STAMBP: variants seen among roughly 807,000 people sequenced by gnomAD.
STAMBP encodes STAM binding protein, also known as STAM-binding protein.
STAMBP carries 31 observed loss-of-function variants against 50.7 expected under a neutral mutation model. The ratio of observed to expected loss-of-function variants is 0.61; its 90% CI spans 0.46 to 0.83. The LOEUF (loss-of-function observed/expected upper bound fraction) is 0.83, where lower values mean the gene tolerates loss of function less well. Ranked by LOEUF, STAMBP falls within the 40% of genes least tolerant of loss-of-function variation. The probability of loss-of-function intolerance (pLI) is 0.00; values close to 1 mark genes in which losing one functional copy is unlikely to be tolerated. For missense variants in STAMBP, 472 were observed against 518.9 expected (o/e 0.91, Z 0.88); for synonymous variants, 211 against 192.4 (o/e 1.10, Z -0.80).
intron 5 of STAMBP, among the ~76,000 whole-genome samples, chr2:73,848,523 A>C (rs190540658): frequency 6.6e-6 from 1 of 152,312 alleles, no homozygotes; most frequent in Admixed American, 6.5e-5. Context: ...GTCTTAGTCC[A>C]TTTTGTGCTG....
Position 73,860,079 on chromosome 2 carries a change from T to C in STAMBP, c.1146T>C (p.His382=), listed in dbSNP as rs752978769. The C allele has an allele frequency of 3.1e-6, 5 of 1,611,866 alleles. No individual in the cohort carries two copies. The highest frequency in any genetic ancestry group is 3.3e-5 in the Admixed American group (2 of 59,888). The change falls in exon 9 of 10, where the codon CAT becomes CAC. Residue 382 remains histidine, a synonymous_variant. Coordinates refer to ENST00000394070, the MANE Select transcript of STAMBP (RefSeq NM_213622.4). ...CTGGATTCTTTAAACTAACTGACCA[T>C]GGACTAGAGGAGATTTCTTCCTGTC... The part of the protein sequence containing the change: ...QETGFFKLTD[H]GLEEISSCRQ...
At chr2:73,860,469 G>T (rs1678204260) in intron 9 of STAMBP, 1 of 688,656 alleles carries the variant, frequency 1.5e-6, no homozygotes, top group East Asian at 8.8e-5. Context: ...TGTGCAGGAA[G>T]TACGTAATGC....
At chr2:73,852,112 G>A (rs1046794674) in intron 7 of STAMBP, among the ~76,000 whole-genome samples, 2 of 152,162 alleles carry the variant, frequency 1.3e-5, no homozygotes, top group Non-Finnish European at 2.9e-5. Context: ...TTTAAGGTAG[G>A]TTGTGGCAAG....
chr2:73,867,072 G>C lies in STAMBP; in HGVS notation c.*4813G>C, dbSNP rs1168103528. Reference sequence around the variant, plus strand: ...TATGTGTCTAAAGTATACTCCTTGAGAACAGCAACTTTGTCTTTTTCACCT... The same window carrying C: ...TATGTGTCTAAAGTATACTCCTTGACAACAGCAACTTTGTCTTTTTCACCT... On this transcript the variant is annotated 3_prime_UTR_variant, in exon 10 of 10. Transcript: ENST00000394070. 6.6e-6 allele frequency: 1 copy of C among 152,290 alleles called. No individual in the cohort carries two copies. Among genetic ancestry groups the C allele is most frequent in the East Asian group, 1.9e-4 (1 of 5,182 alleles). 9.4% of individuals were successfully genotyped at this position (152,290 alleles called of 1,614,324 possible). A position where few individuals can be genotyped will look rare whatever the true frequency, so the allele number is the denominator to read the frequency against.
At chr2:73,844,642 G>T in intron 2 of STAMBP, 171 bp from the exon 3 acceptor site, 1 of 478,540 alleles carries the variant, frequency 2.1e-6, no homozygotes, top group Non-Finnish European at 3.7e-6. Context: ...GGCTCTTTAG[G>T]GGGATAGAGA....
chr2:73,855,662 G>A (rs1387495165), intron 7 of STAMBP: 2 of 455,954 alleles, frequency 4.4e-6, no homozygotes, highest in African/African-American at 2.0e-5. Context: ...CATGCCCCAT[G>A]AAGACTTGTG....
chr2:73,835,187 C>G (rs1176269721), intron 2 of STAMBP, among the ~76,000 whole-genome samples: 3 of 152,068 alleles, frequency 2.0e-5, no homozygotes, highest in African/African-American at 7.2e-5. Context: ...TACCCCATCT[C>G]TACTAAAAAT....
chr2:73,843,102 T>G (rs1015457576), intron 2 of STAMBP, among the ~76,000 whole-genome samples: 1 of 152,102 alleles, frequency 6.6e-6, no homozygotes, highest in Non-Finnish European at 1.5e-5. Flanking sequence ...CTTATTTATC[T>G]TAATAGATTC....
intron 2 of STAMBP, among the ~76,000 whole-genome samples, chr2:73,831,579 C>G (rs1251039118): frequency 6.6e-6 from 1 of 152,088 alleles, no homozygotes; most frequent in Non-Finnish European, 1.5e-5. Context: ...AGTTATTTAT[C>G]ATCTTAGGGT....
At chr2:73,856,543 G>A (rs1677571104) in intron 7 of STAMBP, among the ~76,000 whole-genome samples, 1 of 152,186 alleles carries the variant, frequency 6.6e-6, no homozygotes. Flanking sequence ...ACTTCTTAGA[G>A]GAGATAGAAG....
At position 73,863,083 on chromosome 2, in the gene STAMBP, C is replaced by CT. The variant is rs1254464482; in HGVS notation, c.*825dup. The CT allele has an allele frequency of 6.6e-6, 1 of 152,180 alleles. No homozygotes were observed. The highest frequency in any genetic ancestry group is 2.4e-5 in the African/African-American group (1 of 41,438). The allele number at this position is 152,180 out of a possible 1,614,324, so 9.4% of individuals were successfully genotyped here. A position where few individuals can be genotyped will look rare whatever the true frequency, so the allele number is the denominator to read the frequency against. On this transcript the variant is annotated 3_prime_UTR_variant, in exon 10 of 10. Transcript: ENST00000394070. Reference sequence around the variant, plus strand: ...TCTTCCAGAGGTGTTGTGAAGTCATCTCTGTTCTTTTGGTGCTGTCTCAAA... The same window carrying CT: ...TCTTCCAGAGGTGTTGTGAAGTCATCTTCTGTTCTTTTGGTGCTGTCTCAAA...
chr2:73,846,180 ATTTC>A (rs1473944929), intron 4 of STAMBP, among the ~76,000 whole-genome samples: 2 of 151,032 alleles, frequency 1.3e-5, no homozygotes, highest in Non-Finnish European at 1.5e-5. Context: ...ATTACTTAGC[ATTTC>A]TTTCTTTCTT....
chr2:73,861,288 A>C (rs1486744450), intron 9 of STAMBP, among the ~76,000 whole-genome samples: 2 of 152,238 alleles, frequency 1.3e-5, no homozygotes, highest in Admixed American at 6.5e-5. Flanking sequence ...TAGGGATGAC[A>C]CTATTTGTTC....
chr2:73,862,094 G>A, intron 9 of STAMBP, 109 bp from the exon 10 acceptor site: 1 of 793,420 alleles, frequency 1.3e-6, no homozygotes, highest in Non-Finnish European at 1.9e-6. Flanking sequence ...CCGAGATCGT[G>A]CCACTGCACT....
At chr2:73,842,215 T>C (rs539600464) in intron 2 of STAMBP, among the ~76,000 whole-genome samples, 1 of 152,352 alleles carries the variant, frequency 6.6e-6, no homozygotes, top group East Asian at 1.9e-4. Context: ...GTTTTAATGT[T>C]GATGAGAAAA....
chr2:73,849,107 T>C (rs1329144341), intron 5 of STAMBP, among the ~76,000 whole-genome samples: 1 of 152,230 alleles, frequency 6.6e-6, no homozygotes, highest in African/African-American at 2.4e-5. Flanking sequence ...TAGTTTGCCC[T>C]TTTCTTAACT....
downstream of STAMBP, among the ~76,000 whole-genome samples, chr2:73,868,001 G>C (rs1679028570): frequency 2.6e-5 from 4 of 151,984 alleles, no homozygotes; most frequent in Admixed American, 2.0e-4. Flanking sequence ...GCACACGCCT[G>C]TAATCCCAGC....
rs897505845 is a variant in STAMBP, at chr2:73,862,416, A to G, written c.*157A>G. 24 of 519,062 alleles carry G rather than the reference A, an allele frequency of 4.6e-5. No individual in the cohort carries two copies. The highest frequency in any genetic ancestry group is 3.5e-4 in the African/African-American group (18 of 50,744). The allele number at this position is 519,062 out of a possible 1,614,324, so 32.2% of individuals were successfully genotyped here. Reference sequence around the variant, plus strand: ...CTGATTTTGTATTTCAGGTTTGAAAAGAAATAACTGAACATATTTTTTAGG... The same window carrying G: ...CTGATTTTGTATTTCAGGTTTGAAAGGAAATAACTGAACATATTTTTTAGG... On this transcript the variant is annotated 3_prime_UTR_variant, in exon 10 of 10. Transcript: ENST00000394070.
At chr2:73,830,086 T>C (rs1425808399) in intron 1 of STAMBP, among the ~76,000 whole-genome samples, 2 of 152,238 alleles carry the variant, frequency 1.3e-5, no homozygotes, top group African/African-American at 4.8e-5. Flanking sequence ...CTAGAAAGAC[T>C]AGAATTACTG....
Sources: allele counts gnomAD v4.1 joint callset (sites outside exome capture counted in the v4.1 genomes callset), GRCh38; gene constraint gnomAD v4.1.1; transcripts MANE v1.5; gene names NCBI Gene and HGNC (gene_info 2026-07-23, HGNC 2026-07-21).